Variants in AR observed in about 807,000 individuals in gnomAD.
The protein encoded by AR is dihydrotestosterone receptor.
In AR, 8 loss-of-function variants were observed where a neutral mutation model predicts 53.9. The ratio of observed to expected loss-of-function variants is 0.15; its 90% CI spans 0.09 to 0.27. AR has a LOEUF of 0.27. Ranked by LOEUF, AR falls within the 10% of genes least tolerant of loss-of-function variation. AR has a pLI of 1.00. For synonymous variants in AR, 359 were observed against 316.4 expected (o/e 1.13, Z -1.43); for missense variants, 639 against 742.5 (o/e 0.86, Z 1.62).
intron 1 of AR, among the ~76,000 whole-genome samples, chrX:67,617,272 A>C: frequency 9.0e-6 from 1 of 111,496 alleles, no homozygotes; most frequent in Non-Finnish European, 1.9e-5. Flanking sequence ...AGTATATGAA[A>C]TTCATTTTCT....
rs2147322801 is a variant in AR at position 67,546,655 on chromosome X, G to C, written c.1509G>C (p.Trp503Cys). 1 of 1,205,596 alleles carries C rather than the reference G, an allele frequency of 8.3e-7. No homozygotes were observed. The highest frequency in any genetic ancestry group is 1.1e-6 in the Non-Finnish European group (1 of 892,576). Residue 503 changes from tryptophan (W) to cysteine (C), a missense_variant, in exon 1 of 8, where the codon TGG becomes TGC. By Grantham distance (215) the Trp-to-Cys change is radical. Transcript: ENST00000374690. ...QESDFTAPDV[W>C]YPGGMVSRVP... ...GCGACTTCACCGCACCTGATGTGTG[G>C]TACCCTGGCGGCATGGTGAGCAGAG...
chrX:67,665,210 C>T (rs192280192), intron 2 of AR, among the ~76,000 whole-genome samples: 84 of 112,705 alleles, frequency 7.5e-4, no homozygotes, highest in Middle Eastern at 9.2e-3. Flanking sequence ...GTGTTGCTCA[C>T]GCTGGGAGCT....
chrX:67,708,581 G>A (rs1251170580), intron 3 of AR, among the ~76,000 whole-genome samples: 2 of 111,414 alleles, frequency 1.8e-5, no homozygotes, highest in Non-Finnish European at 3.8e-5. Flanking sequence ...CTTTGCGATG[G>A]GTTCAAACTT....
intron 1 of AR, among the ~76,000 whole-genome samples, chrX:67,639,727 A>G (rs1416937773): frequency 1.8e-5 from 2 of 111,827 alleles, no homozygotes; most frequent in Non-Finnish European, 3.8e-5. Flanking sequence ...GGCTGAGAGA[A>G]TGGGGTTTTC....
At chrX:67,560,048 T>C (rs1950453527) in intron 1 of AR, among the ~76,000 whole-genome samples, 1 of 111,895 alleles carries the variant, frequency 8.9e-6, no homozygotes, top group Admixed American at 9.5e-5. Flanking sequence ...ATGCTCATAC[T>C]TTCATATGGT....
At chrX:67,595,523 T>G (rs753021605) in intron 1 of AR, among the ~76,000 whole-genome samples, 1 of 111,122 alleles carries the variant, frequency 9.0e-6, no homozygotes, top group African/African-American at 3.3e-5. Flanking sequence ...TCTCTTTGTT[T>G]ATTATTTTAT....
intron 1 of AR, among the ~76,000 whole-genome samples, chrX:67,591,254 T>C (rs1407533417): frequency 9.0e-6 from 1 of 110,751 alleles, no homozygotes; most frequent in Non-Finnish European, 1.9e-5. Flanking sequence ...TAGGATGGGT[T>C]TGGTGGAAAA....
intron 1 of AR, among the ~76,000 whole-genome samples, chrX:67,562,392 G>A (rs1215623803): frequency 1.8e-5 from 2 of 108,764 alleles, no homozygotes; most frequent in Non-Finnish European, 3.8e-5. Flanking sequence ...GTGTGTGTGT[G>A]TGTATGTGTG....
In AR at chrX:67,711,318, T is replaced by C. The variant is rs2147523791; in HGVS notation, c.1886-84T>C. On this transcript the variant is annotated intron_variant, in intron 3 of 7. Coordinates refer to ENST00000374690, the MANE Select transcript of AR (RefSeq NM_000044.6). Reference sequence around the variant, plus strand: ...CAGGGAGAATGGTGATTTTCTTAGCTAGGGCAGTTTTTCTAAAAAGGTAGT... The same window carrying C: ...CAGGGAGAATGGTGATTTTCTTAGCCAGGGCAGTTTTTCTAAAAAGGTAGT... 6.8e-6 allele frequency: 7 copies of C among 1,029,102 alleles called. No individual in the cohort carries two copies. In the South Asian group the frequency reaches 1.4e-4, roughly 21 times the overall value. 84.8% of individuals were successfully genotyped at this position (1,029,102 alleles called of 1,213,427 possible).
chrX:67,727,547 T>C lies in AR; in HGVS notation c.*3706T>C. 5.8e-6 allele frequency: 1 copy of C among 173,736 alleles called. No individual in the cohort carries two copies. The highest frequency in any genetic ancestry group is 1.1e-5 in the Non-Finnish European group (1 of 90,275). The allele number at this position is 173,736 out of a possible 1,213,427, so 14.3% of individuals were successfully genotyped here. A position where few individuals can be genotyped will look rare whatever the true frequency, so the allele number is the denominator to read the frequency against. ...CATTGAGCTTCAAGTAGCTTCTAAGTGTTTGTTTCATTAGGCACAGCACAG... is the reference window on the plus strand; with the variant it reads ...CATTGAGCTTCAAGTAGCTTCTAAGCGTTTGTTTCATTAGGCACAGCACAG... On this transcript the variant is annotated 3_prime_UTR_variant, in exon 8 of 8. Coordinates refer to ENST00000374690, the MANE Select transcript of AR (RefSeq NM_000044.6).
intron 1 of AR, among the ~76,000 whole-genome samples, chrX:67,640,031 G>A (rs1286622685): frequency 9.0e-6 from 1 of 111,526 alleles, no homozygotes; most frequent in Admixed American, 9.5e-5. Context: ...GCATGAAGCA[G>A]TGTTGTATTT....
chrX:67,627,430 T>C (rs1354891278), intron 1 of AR, among the ~76,000 whole-genome samples: 3 of 112,530 alleles, frequency 2.7e-5, no homozygotes, highest in Non-Finnish European at 1.9e-5. Context: ...AAATGTCTTC[T>C]TTTTAGAAGT....
chrX:67,550,538 A>T lies in AR; in HGVS notation c.1616+3776A>T, dbSNP rs759463633. ...TTTATTATGATTATTTTTAATGGTG[A>T]TATCAAGATCACCAGTTTCATTCGG... is the stretch of plus-strand genomic sequence containing the variant. On this transcript the variant is annotated intron_variant, in intron 1 of 7. Coordinates refer to ENST00000374690, the MANE Select transcript of AR (RefSeq NM_000044.6). Among the ~76,000 whole-genome samples the T allele has an allele frequency of 3.6e-5, 4 of 110,343 alleles. No homozygotes were observed. In the South Asian group the frequency reaches 1.2e-3, roughly 32 times the overall value.
chrX:67,695,022 C>A, intron 3 of AR: 1 of 872,727 alleles, frequency 1.1e-6, no homozygotes, highest in East Asian at 6.3e-5. Flanking sequence ...TGGCAAAGTG[C>A]TTTTTGATTG....
rs2076165117 is a variant in AR, at chrX:67,728,130, A to G, written c.*4289A>G. 1 of 171,650 alleles carries G rather than the reference A, an allele frequency of 5.8e-6. No individual in the cohort carries two copies. The highest frequency in any genetic ancestry group is 3.3e-4 in the South Asian group (1 of 3,048). The allele number at this position is 171,650 out of a possible 1,213,427, so 14.1% of individuals were successfully genotyped here. On this transcript the variant is annotated 3_prime_UTR_variant, in exon 8 of 8. Transcript: ENST00000374690. The stretch of plus-strand genomic sequence containing the variant: ...TGCCTCTTTGATAAGCTGTCCAAAG[A>G]CAGACTAAAGGACTCTGCTGGTGAC...
chrX:67,618,825 G>A (rs1924236772), intron 1 of AR, among the ~76,000 whole-genome samples: 1 of 111,122 alleles, frequency 9.0e-6, no homozygotes, highest in Non-Finnish European at 1.9e-5. Context: ...AGCAATATAA[G>A]CAAAGCTACA....
At chrX:67,616,812 C>G (rs754544812) in intron 1 of AR, among the ~76,000 whole-genome samples, 1 of 111,152 alleles carries the variant, frequency 9.0e-6, no homozygotes, top group African/African-American at 3.3e-5. Context: ...ACAAAACAAG[C>G]CCCAGCTACT....
In AR at chrX:67,628,047, G is replaced by C. The variant is rs1042027741; in HGVS notation, c.1617-15209G>C. The stretch of plus-strand genomic sequence containing the variant: ...CTGTTTTGATTACTGTAGCCTTGTA[G>C]TATAGTTAGAAGTCAGGGAGTGTGA... On this transcript the variant is annotated intron_variant, in intron 1 of 7. Coordinates refer to ENST00000374690, the MANE Select transcript of AR (RefSeq NM_000044.6). 4.5e-5 allele frequency among the ~76,000 whole-genome samples: 5 copies of C among 111,681 alleles called. No homozygotes were observed. In the Admixed American group the frequency reaches 4.8e-4, roughly 11 times the overall value.
At chrX:67,721,586 C>G (rs1232593567) in intron 5 of AR, among the ~76,000 whole-genome samples, 2 of 111,385 alleles carry the variant, frequency 1.8e-5, no homozygotes, top group African/African-American at 6.5e-5. Context: ...CATGTGCTAA[C>G]CCATATCCTG....
Sources: gnomAD v4.1 joint callset for allele counts (sites outside exome capture counted in the v4.1 genomes callset) on GRCh38, gnomAD v4.1.1 for gene constraint, MANE v1.5 for transcripts, NCBI Gene and HGNC (gene_info 2026-07-23, HGNC 2026-07-21) for gene names.